DNAH5: variants seen among roughly 807,000 people sequenced by gnomAD.
DNAH5 encodes dynein axonemal heavy chain 5, also known as axonemal beta dynein heavy chain 5.
In DNAH5, 372 loss-of-function variants were observed where a neutral mutation model predicts 518.2. The observed-to-expected ratio is 0.72, with a 90% CI of 0.66 to 0.78. DNAH5 has a LOEUF of 0.78. Ranked by LOEUF, DNAH5 falls within the 30% of genes least tolerant of loss-of-function variation. The probability of loss-of-function intolerance (pLI) is 0.00; values close to 1 mark genes in which losing one functional copy is unlikely to be tolerated. For missense variants in DNAH5, 5,523 were observed against 5,687.0 expected (o/e 0.97, Z 0.93); for synonymous variants, 2,039 against 2,025.9 (o/e 1.01, Z -0.17).
At chr5:13,809,991 T>G in intron 45 of DNAH5, 68 bp downstream of exon 45, 1 of 1,365,476 alleles carries the variant, frequency 7.3e-7, no homozygotes, top group Non-Finnish European at 1.0e-6. Flanking sequence ...ATATATATGG[T>G]GTAAATATTG....
intron 1 of DNAH5, among the ~76,000 whole-genome samples, chr5:14,008,924 C>T (rs768834930): frequency 2.0e-5 from 3 of 152,206 alleles, no homozygotes; most frequent in African/African-American, 4.8e-5. Context: ...CCCCATGCAT[C>T]GGGCCTGGCC....
At chr5:13,786,530 GA>G (rs1342427230) in intron 51 of DNAH5, among the ~76,000 whole-genome samples, 179 bp from the exon 52 acceptor site, 1 of 152,154 alleles carries the variant, frequency 6.6e-6, no homozygotes, top group Non-Finnish European at 1.5e-5. Flanking sequence ...GGATTTTTGT[GA>G]TCATATGCAG....
At chr5:13,769,999 T>C (rs548384769) in intron 56 of DNAH5, among the ~76,000 whole-genome samples, 8 of 152,168 alleles carry the variant, frequency 5.3e-5, no homozygotes, top group African/African-American at 1.2e-4. Context: ...AAGAGACATA[T>C]GAAGTCAAAA....
chr5:13,923,546 C>T, intron 3 of DNAH5, 106 bp from the exon 4 acceptor site: 3 of 1,286,794 alleles, frequency 2.3e-6, no homozygotes, highest in East Asian at 4.9e-5. Context: ...TTGACTTGTC[C>T]ATGTGCCTTA....
At chr5:13,807,785 T>C in intron 46 of DNAH5, 60 bp from the exon 47 acceptor site, 2 of 1,449,176 alleles carry the variant, frequency 1.4e-6, no homozygotes, top group South Asian at 1.2e-5. Context: ...TGGGCTGAAT[T>C]TGTCCCCCCA....
chr5:13,920,568 G>A lies in DNAH5; in HGVS notation c.710C>T (p.Pro237Leu), dbSNP rs757970855. The A allele has an allele frequency of 6.6e-5, 107 of 1,613,992 alleles. No individual in the cohort carries two copies. The highest frequency in any genetic ancestry group is 8.7e-5 in the Non-Finnish European group (103 of 1,179,980). The stretch of plus-strand genomic sequence containing the variant: ...ATTTGCTAGAGTCAAGTAGTCCGTA[G>A]GTTCCTTTAGGGTTTTCAGTTCAAG... ...DILELKTLKE[P>L]TDYLTLANNP... The change falls in exon 6 of 79, where the codon CCT becomes CTT. Residue 237 changes from proline to leucine, a missense_variant. This residue lies in a region of DNAH5 where 5,121 missense variants were observed against 5,223.3 expected (regional missense o/e 0.98). Transcript: ENST00000265104.
chr5:13,793,261 C>A (rs1036809521), intron 49 of DNAH5, among the ~76,000 whole-genome samples: 3 of 152,088 alleles, frequency 2.0e-5, no homozygotes, highest in Admixed American at 6.6e-5. Context: ...TAATGTTAAA[C>A]CTCCTTGCTT....
chr5:13,861,952 C>CAAAAAAAAAAAAAAAAA (rs59674964), intron 29 of DNAH5, among the ~76,000 whole-genome samples: 2 of 49,514 alleles, frequency 4.0e-5, no homozygotes, highest in African/African-American at 9.9e-5. Context: ...GATTCCATCT[C>CAAAAAAAAAAAAAAAAA]AAAAAAAAAA....
chr5:13,809,184 T>A lies in DNAH5; in HGVS notation c.7612A>T (p.Thr2538Ser). The change falls in exon 46 of 79, where the codon ACA becomes TCA. Residue 2538 changes from threonine to serine, a missense_variant and splice_region_variant. Physicochemically the swap from Thr to Ser is moderately conservative, Grantham distance 58 (BLOSUM62 1). Around this residue, in one of 3 missense-constraint regions of DNAH5, gnomAD observed 5,121 missense variants for 5,223.3 expected, o/e 0.98. Coordinates refer to ENST00000265104, the MANE Select transcript of DNAH5 (RefSeq NM_001369.3). ...AFDYYVAPDG[T>S]WTHWNTRTQE... ...GTACGCGTGTTCCAGTGCGTCCATG[T>A]ACCTAAGGTGAGCAGAGGACATTTC... The A allele has an allele frequency of 6.2e-7, 1 of 1,614,144 alleles. No homozygotes were observed. The highest frequency in any genetic ancestry group is 8.5e-7 in the Non-Finnish European group (1 of 1,179,996).
chr5:13,819,094 T>C (rs1363742495), intron 41 of DNAH5, among the ~76,000 whole-genome samples: 1 of 152,258 alleles, frequency 6.6e-6, no homozygotes, highest in Non-Finnish European at 1.5e-5. Context: ...AGTACTCATT[T>C]TGTTCGAGTC....
chr5:13,920,399 G>A, intron 6 of DNAH5, 81 bp downstream of exon 6: 1 of 1,565,392 alleles, frequency 6.4e-7, no homozygotes, highest in South Asian at 1.1e-5. Flanking sequence ...CAAATGGAAT[G>A]TCGTATGTCA....
chr5:13,800,926 GT>G (rs1292918303), intron 47 of DNAH5, among the ~76,000 whole-genome samples: 1 of 152,156 alleles, frequency 6.6e-6, no homozygotes, highest in Non-Finnish European at 1.5e-5. Flanking sequence ...AAGGCACCTT[GT>G]TTTCCTTACT....
At chr5:13,946,267 C>T (rs558654239), upstream of DNAH5, among the ~76,000 whole-genome samples, 219 of 152,264 alleles carry the variant, frequency 1.4e-3, no homozygotes, top group Non-Finnish European at 1.3e-3. Context: ...GGAAGATTTC[C>T]ACAGATGGCT....
chr5:13,864,247 A>G (rs543026220), intron 28 of DNAH5, 150 bp downstream of exon 28: 46 of 963,830 alleles, frequency 4.8e-5, no homozygotes, highest in South Asian at 4.6e-4. Context: ...TAGGCCAAAT[A>G]AGCATTTGTT....
intron 1 of DNAH5, 71 bp downstream of exon 1, chr5:13,944,310 GT>G (rs1453174374): frequency 1.3e-6 from 2 of 1,510,912 alleles, no homozygotes; most frequent in Admixed American, 3.3e-5. Flanking sequence ...TTTCAAGTTT[GT>G]TTTTTCCACC....
At chr5:13,741,613 C>T (rs980673346) in intron 65 of DNAH5, among the ~76,000 whole-genome samples, 7 of 152,104 alleles carry the variant, frequency 4.6e-5, no homozygotes, top group African/African-American at 4.8e-5. Context: ...CCTCACATTA[C>T]GGTTGTACTA....
rs139081856 is a variant in DNAH5, at chr5:13,728,147, A to G, written c.11884-491T>C. On this transcript the variant is annotated intron_variant, in intron 69 of 78. Coordinates refer to ENST00000265104, the MANE Select transcript of DNAH5 (RefSeq NM_001369.3). The stretch of plus-strand genomic sequence containing the variant: ...GATCAATACTCTATTAATCTAGAGT[A>G]ATTGGAAATACGCCAGTTAATATCA... Among the ~76,000 whole-genome samples, 333 of 152,316 alleles carry G rather than the reference A, an allele frequency of 2.2e-3. 1 individual carries two copies. Among genetic ancestry groups the G allele is most frequent in the African/African-American group, 6.8e-3 (284 of 41,590 alleles).
intron 30 of DNAH5, among the ~76,000 whole-genome samples, chr5:13,851,740 A>T (rs1766873359): frequency 6.6e-6 from 1 of 152,116 alleles, no homozygotes; most frequent in Non-Finnish European, 1.5e-5. Flanking sequence ...CCAATTTTAG[A>T]TTCTTCTTCA....
At chr5:13,774,010 G>C (rs557526483) in intron 55 of DNAH5, among the ~76,000 whole-genome samples, 74 of 152,222 alleles carry the variant, frequency 4.9e-4, no homozygotes, top group Non-Finnish European at 9.9e-4. Context: ...GGTAGGATCA[G>C]CTCTTCCCAG....
Sources: gnomAD v4.1 joint callset for allele counts (sites outside exome capture counted in the v4.1 genomes callset) on GRCh38, gnomAD v4.1.1 for gene constraint, gnomAD v4.1.1 regional missense constraint, MANE v1.5 for transcripts, NCBI Gene and HGNC (gene_info 2026-07-23, HGNC 2026-07-21) for gene names.